MAML2: variants seen among roughly 807,000 people sequenced by gnomAD.
MAML2 encodes mastermind-like protein 2.
Under a neutral mutation model 96.1 loss-of-function variants are expected in MAML2, and 22 were observed. The ratio of observed to expected loss-of-function variants is 0.23; its 90% confidence interval spans 0.16 to 0.33. The LOEUF is 0.33. Ranked by LOEUF, MAML2 falls within the 10% of genes least tolerant of loss-of-function variation. The pLI is 1.00. For synonymous variants in MAML2, 561 were observed against 521.3 expected (o/e 1.08, Z -1.04); for missense variants, 1,367 against 1,392.4 (o/e 0.98, Z 0.29).
Position 96,342,287 on chromosome 11 carries a change from A to G in MAML2, c.-392T>C. On this transcript the variant is annotated 5_prime_UTR_variant, in exon 1 of 5. Transcript: ENST00000524717. ...TCAAGAATTCAGGGATTGTCCAGCA[A>G]GAGACAGAAACACACAGCAAAAGGT... 1 of 430,736 alleles carries G rather than the reference A, an allele frequency of 2.3e-6. No homozygotes were observed. 26.7% of individuals were successfully genotyped at this position (430,736 alleles called of 1,614,324 possible). A position where few individuals can be genotyped will look rare whatever the true frequency, so the allele number is the denominator to read the frequency against.
intron 1 of MAML2, among the ~76,000 whole-genome samples, chr11:96,172,513 C>G (rs766571929): frequency 1.8e-4 from 27 of 152,142 alleles, no homozygotes; most frequent in African/African-American, 6.3e-4. Flanking sequence ...TCCTCTTACG[C>G]GAGAAGGAGG....
At chr11:96,051,958 A>G (rs1299142902) in intron 2 of MAML2, among the ~76,000 whole-genome samples, 1 of 152,210 alleles carries the variant, frequency 6.6e-6, no homozygotes, top group African/African-American at 2.4e-5. Flanking sequence ...GTCTTCAAGG[A>G]TTCCGTTTAG....
chr11:96,204,656 TTTTTG>T (rs1487781278), intron 1 of MAML2, among the ~76,000 whole-genome samples: 1 of 152,148 alleles, frequency 6.6e-6, no homozygotes, highest in Non-Finnish European at 1.5e-5. Flanking sequence ...AGAGTTTTTG[TTTTTG>T]TTTTTTTAAA....
intron 1 of MAML2, among the ~76,000 whole-genome samples, chr11:96,280,894 A>G (rs1315824667): frequency 6.6e-6 from 1 of 152,192 alleles, no homozygotes; most frequent in Non-Finnish European, 1.5e-5. Context: ...AGGGGTAGGT[A>G]CTTCATCATT....
In MAML2 at chr11:95,991,893, G is replaced by T. The variant is rs998781019; in HGVS notation, c.2140-170C>A. ...CTTTTTAAATGTAGAAGAAATAATTGCATAACACAGCAACCAAAGCAGCTG... is the reference window on the plus strand; with the variant it reads ...CTTTTTAAATGTAGAAGAAATAATTTCATAACACAGCAACCAAAGCAGCTG... On this transcript the variant is annotated intron_variant, in intron 2 of 4. Coordinates refer to ENST00000524717, the MANE Select transcript of MAML2 (RefSeq NM_032427.4). Among the ~76,000 whole-genome samples the T allele has an allele frequency of 3.3e-5, 5 of 152,154 alleles. No homozygotes were observed. In the East Asian group the frequency reaches 9.6e-4, roughly 29 times the overall value.
chr11:96,004,604 G>A (rs1418698432), intron 2 of MAML2, among the ~76,000 whole-genome samples: 4 of 152,110 alleles, frequency 2.6e-5, no homozygotes, highest in Non-Finnish European at 4.4e-5. Flanking sequence ...AGAATATATT[G>A]TAATGATGAA....
At chr11:96,016,766 T>C (rs182700294) in intron 2 of MAML2, among the ~76,000 whole-genome samples, 1 of 152,288 alleles carries the variant, frequency 6.6e-6, no homozygotes. Context: ...ATAATAACTA[T>C]TGTTAGTATC....
chr11:96,095,760 C>A (rs1372376386), intron 1 of MAML2, among the ~76,000 whole-genome samples: 1 of 152,172 alleles, frequency 6.6e-6, no homozygotes, highest in Non-Finnish European at 1.5e-5. Context: ...ACAAATTGGG[C>A]ATCTGTTACT....
chr11:96,068,055 C>T (rs184002975), intron 2 of MAML2, among the ~76,000 whole-genome samples: 1 of 152,046 alleles, frequency 6.6e-6, no homozygotes, highest in East Asian at 1.9e-4. Flanking sequence ...AATCCCTCAC[C>T]CACTGACATT....
chr11:96,108,534 C>T (rs1860063951), intron 1 of MAML2, among the ~76,000 whole-genome samples: 1 of 152,156 alleles, frequency 6.6e-6, no homozygotes, highest in African/African-American at 2.4e-5. Context: ...TCAGTTATCT[C>T]ATCTGTAAAA....
At chr11:96,326,480 C>G (rs1863783567) in intron 1 of MAML2, among the ~76,000 whole-genome samples, 2 of 151,814 alleles carry the variant, frequency 1.3e-5, no homozygotes, top group African/African-American at 4.8e-5. Context: ...TTTTATATCC[C>G]TTTGCTGAAA....
intron 2 of MAML2, among the ~76,000 whole-genome samples, chr11:96,023,259 G>A (rs1462353997): frequency 6.6e-6 from 1 of 152,206 alleles, no homozygotes; most frequent in Non-Finnish European, 1.5e-5. Context: ...ATGGGCAGAG[G>A]TACAAGGGGA....
intron 1 of MAML2, among the ~76,000 whole-genome samples, chr11:96,126,397 A>C (rs1221866799): frequency 6.6e-6 from 1 of 151,382 alleles, no homozygotes; most frequent in East Asian, 1.9e-4. Flanking sequence ...GTCTCTACTG[A>C]AAATACAAAA....
intron 2 of MAML2, among the ~76,000 whole-genome samples, chr11:96,041,146 G>A (rs1858801642): frequency 6.6e-6 from 1 of 151,962 alleles, no homozygotes; most frequent in Admixed American, 6.6e-5. Flanking sequence ...ATGGATTTTG[G>A]TAAGGGTATG....
chr11:96,156,656 T>C (rs1373890070), intron 1 of MAML2, among the ~76,000 whole-genome samples: 2 of 152,220 alleles, frequency 1.3e-5, no homozygotes, highest in Non-Finnish European at 2.9e-5. Context: ...AGAGGTAATC[T>C]GAGGACATAT....
chr11:96,175,006 A>G (rs1565237968), intron 1 of MAML2, among the ~76,000 whole-genome samples: 1 of 152,236 alleles, frequency 6.6e-6, no homozygotes, highest in Non-Finnish European at 1.5e-5. Flanking sequence ...CATGGTGCGA[A>G]GCAGCTCCTT....
At chr11:96,219,666 T>C (rs916617205) in intron 1 of MAML2, among the ~76,000 whole-genome samples, 1 of 152,156 alleles carries the variant, frequency 6.6e-6, no homozygotes, top group African/African-American at 2.4e-5. Flanking sequence ...CACTCTGTCA[T>C]GTAGGCTGGA....
At position 96,100,313 on chromosome 11, in the gene MAML2, CT is replaced by C. The variant is rs373292172; in HGVS notation, c.514-6797del. Among the ~76,000 whole-genome samples the C allele has an allele frequency of 7.5e-3, 1,093 of 145,988 alleles. 14 individuals carry two copies. The highest frequency in any genetic ancestry group is 0.025 in the African/African-American group (995 of 39,794). The stretch of plus-strand genomic sequence containing the variant: ...GTTATTGTTGTTGTTGTTTTTCTTT[CT>C]TTTTTTTTTTCTTGAGATGGAGTCT... On this transcript the variant is annotated intron_variant, in intron 1 of 4. Transcript: ENST00000524717.
At chr11:96,212,108 AGTGT>A (rs72133828) in intron 1 of MAML2, among the ~76,000 whole-genome samples, 19,400 of 133,998 alleles carry the variant, frequency 0.14, 1,423 homozygotes, top group South Asian at 0.17. Context: ...AGGAAGACAA[AGTGT>A]GTGTGTGTGT....
Sources: gnomAD v4.1 joint callset for allele counts (sites outside exome capture counted in the v4.1 genomes callset) on GRCh38, gnomAD v4.1.1 for gene constraint, MANE v1.5 for transcripts, NCBI Gene and HGNC (gene_info 2026-07-23, HGNC 2026-07-21) for gene names.